The following PCCA variants were observed in gnomAD, a reference collection of about 807,000 sequenced individuals.
PCCA encodes the protein propionyl-CoA carboxylase alpha chain, mitochondrial.
PCCA carries 74 observed loss-of-function variants against 101.3 expected under a neutral mutation model. That is an observed-to-expected ratio of 0.73 (90% CI 0.61 to 0.89). The LOEUF (loss-of-function observed/expected upper bound fraction) is 0.89, where lower values mean the gene tolerates loss of function less well. Among genes scored for constraint, PCCA ranks in the 40% least tolerant of loss-of-function variants. PCCA has a pLI of 0.00. For synonymous variants in PCCA, 294 were observed against 313.6 expected (o/e 0.94, Z 0.66); for missense variants, 891 against 907.0 (o/e 0.98, Z 0.23).
chr13:100,395,222 T>C (rs546718437), intron 19 of PCCA, among the ~76,000 whole-genome samples: 1 of 152,352 alleles, frequency 6.6e-6, no homozygotes, highest in East Asian at 1.9e-4. Flanking sequence ...CATAGTAATA[T>C]AGCCCACAAA....
intron 20 of PCCA, among the ~76,000 whole-genome samples, chr13:100,437,193 G>A (rs916525685): frequency 8.5e-5 from 13 of 152,162 alleles, no homozygotes; most frequent in African/African-American, 3.1e-4. Context: ...CCGTTGCTGG[G>A]TGAGGTCATA....
At position 100,505,376 on chromosome 13, in the gene PCCA, A is replaced by C. The variant is rs1251940332; in HGVS notation, c.1900-10051A>C. 2.0e-5 allele frequency among the ~76,000 whole-genome samples: 3 copies of C among 152,350 alleles called. No homozygotes were observed. The South Asian group carries it at 6.2e-4, about 32-fold the overall frequency. ...CTTTTAACTGTCTAAGGAAAAGACA[A>C]CCGTGGGGTCCCTCGCTGCATGCCT... On this transcript the variant is annotated intron_variant, in intron 21 of 23. Coordinates refer to ENST00000376285, the MANE Select transcript of PCCA (RefSeq NM_000282.4).
At chr13:100,184,301 A>G (rs2057057154) in intron 6 of PCCA, among the ~76,000 whole-genome samples, 1 of 152,210 alleles carries the variant, frequency 6.6e-6, no homozygotes, top group Non-Finnish European at 1.5e-5. Context: ...CTGTTTCCTC[A>G]GTACCTAGGA....
intron 19 of PCCA, among the ~76,000 whole-genome samples, chr13:100,388,966 A>T (rs558305684): frequency 4.8e-4 from 73 of 152,320 alleles, no homozygotes; most frequent in African/African-American, 1.8e-3. Context: ...TGCATTGATC[A>T]TTTTAGTTGT....
At chr13:100,420,147 C>T (rs906845991) in intron 19 of PCCA, among the ~76,000 whole-genome samples, 3 of 152,168 alleles carry the variant, frequency 2.0e-5, no homozygotes, top group Non-Finnish European at 4.4e-5. Context: ...TTTTTATCCC[C>T]ACACTGAATT....
intron 6 of PCCA, among the ~76,000 whole-genome samples, chr13:100,170,288 A>C (rs538903949): frequency 6.6e-6 from 1 of 152,338 alleles, no homozygotes; most frequent in East Asian, 1.9e-4. Flanking sequence ...AAGGAAGTAC[A>C]TTGCTCGAGG....
At chr13:100,272,282 T>C (rs1032879637) in intron 11 of PCCA, among the ~76,000 whole-genome samples, 1 of 152,182 alleles carries the variant, frequency 6.6e-6, no homozygotes, top group Non-Finnish European at 1.5e-5. Flanking sequence ...TAATTTCCCC[T>C]AGGGGAAATA....
chr13:100,269,086 G>A (rs2063135233), intron 11 of PCCA, among the ~76,000 whole-genome samples: 1 of 152,166 alleles, frequency 6.6e-6, no homozygotes, highest in African/African-American at 2.4e-5. Context: ...GGCATCAAAA[G>A]ATTAGCCCAC....
chr13:100,451,184 T>G (rs2081200524), intron 21 of PCCA, among the ~76,000 whole-genome samples: 1 of 151,534 alleles, frequency 6.6e-6, no homozygotes, highest in East Asian at 1.9e-4. Flanking sequence ...GGTGATCTGC[T>G]AAACTCTAAG....
At chr13:100,150,561 TAC>T in intron 4 of PCCA, 1 of 1,266,022 alleles carries the variant, frequency 7.9e-7, no homozygotes, top group Non-Finnish European at 1.1e-6. Context: ...TGGTGGAACT[TAC>T]GGCCGTTTCC....
intron 20 of PCCA, among the ~76,000 whole-genome samples, chr13:100,438,743 C>T (rs755510070): frequency 6.6e-6 from 1 of 151,546 alleles, no homozygotes; most frequent in East Asian, 1.9e-4. Context: ...AAGAAAACAC[C>T]CTTTACCAAC....
At chr13:100,329,583 G>C (rs775817955) in intron 16 of PCCA, among the ~76,000 whole-genome samples, 1 of 152,172 alleles carries the variant, frequency 6.6e-6, no homozygotes, top group Non-Finnish European at 1.5e-5. Context: ...AGCTCCATGA[G>C]TGGGTGCCTC....
chr13:100,133,877 A>G (rs1177093396), intron 4 of PCCA, among the ~76,000 whole-genome samples: 2 of 152,186 alleles, frequency 1.3e-5, no homozygotes, highest in Non-Finnish European at 2.9e-5. Flanking sequence ...TCCGGCCTTC[A>G]TCTTTCTCTT....
At chr13:100,493,209 G>A (rs983261870) in intron 21 of PCCA, among the ~76,000 whole-genome samples, 9 of 152,340 alleles carry the variant, frequency 5.9e-5, no homozygotes, top group African/African-American at 1.7e-4. Flanking sequence ...CCCATAAGGG[G>A]TTTGAGCACG....
intron 6 of PCCA, among the ~76,000 whole-genome samples, chr13:100,187,793 T>A (rs746478856): frequency 6.6e-6 from 1 of 152,130 alleles, no homozygotes; most frequent in Non-Finnish European, 1.5e-5. Flanking sequence ...ACAGGTGGTA[T>A]TTGATTACAT....
At chr13:100,314,607 C>T (rs978227229) in intron 16 of PCCA, among the ~76,000 whole-genome samples, 1 of 152,210 alleles carries the variant, frequency 6.6e-6, no homozygotes, top group Non-Finnish European at 1.5e-5. Flanking sequence ...TAACAGAAGA[C>T]ATTCCTCTCT....
intron 22 of PCCA, among the ~76,000 whole-genome samples, chr13:100,517,583 A>G (rs1388409044): frequency 6.6e-6 from 1 of 152,178 alleles, no homozygotes; most frequent in African/African-American, 2.4e-5. Flanking sequence ...ATTCCTTTAA[A>G]TTCAGAGTAC....
At position 100,275,133 on chromosome 13, in the gene PCCA, G is replaced by A. The variant is rs559722509; in HGVS notation, c.1065+1787G>A. Among the ~76,000 whole-genome samples the A allele has an allele frequency of 2.3e-4, 35 of 152,174 alleles. No homozygotes were observed. In the South Asian group the frequency reaches 5.8e-3, roughly 25 times the overall value. ...AGCCTTCCTGCAGTGGTTTTCTCAC[G>A]TGCACCAAGGGGCCGCTTGTGGGAT... On this transcript the variant is annotated intron_variant, in intron 12 of 23. Transcript: ENST00000376285.
intron 4 of PCCA, among the ~76,000 whole-genome samples, chr13:100,153,307 G>A (rs977395668): frequency 1.3e-5 from 2 of 152,166 alleles, no homozygotes; most frequent in Non-Finnish European, 2.9e-5. Flanking sequence ...TTGTTGGGTA[G>A]ATGAGATTAT....
Sources: gnomAD v4.1 joint callset for allele counts (sites outside exome capture counted in the v4.1 genomes callset) on GRCh38, gnomAD v4.1.1 for gene constraint, MANE v1.5 for transcripts, NCBI Gene and HGNC (gene_info 2026-07-23, HGNC 2026-07-21) for gene names.